The following EPHB2 variants were observed in gnomAD, a reference collection of about 807,000 sequenced individuals.
The protein encoded by EPHB2 is ephrin type-B receptor 2.
A neutral mutation model predicts 96.4 loss-of-function variants in EPHB2; 18 were observed. The observed-to-expected ratio is 0.19, with a 90% CI of 0.13 to 0.28. The LOEUF is 0.28. EPHB2 is among the 10% of genes least tolerant of loss of function. The pLI is 1.00. For synonymous variants in EPHB2, 506 were observed against 534.1 expected, an observed-to-expected ratio of 0.95 and a Z score of 0.72; for missense variants, 989 against 1,355.4, an observed-to-expected ratio of 0.73 and a Z score of 4.25.
chr1:22,775,558 C>T (rs1314341095), intron 1 of EPHB2, among the ~76,000 whole-genome samples: 1 of 152,278 alleles, frequency 6.6e-6, no homozygotes, highest in Non-Finnish European at 1.5e-5. Flanking sequence ...CCCCTGCAGC[C>T]ACCTCCTTTC....
chr1:22,868,373 G>A (rs1408606201), intron 5 of EPHB2, among the ~76,000 whole-genome samples: 3 of 152,070 alleles, frequency 2.0e-5, no homozygotes, highest in East Asian at 1.9e-4. Flanking sequence ...GCAAATGAAC[G>A]GCATTCATTT....
At chr1:22,909,721 A>C (rs565298409) in intron 13 of EPHB2, among the ~76,000 whole-genome samples, 2 of 152,332 alleles carry the variant, frequency 1.3e-5, no homozygotes, top group East Asian at 3.9e-4. Flanking sequence ...GGTTGAAGCC[A>C]AACCAAGGGA....
Position 22,910,523 on chromosome 1 carries a change from A to G in EPHB2, c.2644A>G (p.Lys882Glu). 6.2e-7 allele frequency: 1 copy of G among 1,613,166 alleles called. No homozygotes were observed. Among genetic ancestry groups the G allele is most frequent in the Non-Finnish European group, 8.5e-7 (1 of 1,180,024 alleles). The change falls in exon 14 of 16, where the codon AAG (lysine) becomes GAG (glutamate). Residue 882 changes from lysine to glutamate, a missense_variant. Physicochemically the swap from Lys to Glu is moderately conservative, Grantham distance 56. Transcript: ENST00000374630. ...KFGQIVNTLD[K>E]MIRNPNSLKA... ...CGGCCAAATTGTCAACACGCTAGAC[A>G]AGATGATCCGCAATCCCAACAGCCT...
intron 3 of EPHB2, among the ~76,000 whole-genome samples, chr1:22,839,628 T>C (rs1645436903): frequency 6.6e-6 from 1 of 152,070 alleles, no homozygotes; most frequent in Admixed American, 6.5e-5. Flanking sequence ...GGAAAGGACA[T>C]TGAAATCAGC....
At chr1:22,808,847 A>G (rs895628029) in intron 3 of EPHB2, among the ~76,000 whole-genome samples, 1 of 152,234 alleles carries the variant, frequency 6.6e-6, no homozygotes, top group Non-Finnish European at 1.5e-5. Context: ...TTCAAACCCA[A>G]GGAACCTCAC....
intron 1 of EPHB2, among the ~76,000 whole-genome samples, chr1:22,760,573 T>C (rs1644221760): frequency 6.6e-6 from 1 of 152,200 alleles, no homozygotes; most frequent in Non-Finnish European, 1.5e-5. Context: ...GCTGAGCTCC[T>C]CAGAGTCTGC....
intron 3 of EPHB2, among the ~76,000 whole-genome samples, chr1:22,830,999 G>A (rs547944906): frequency 2.0e-5 from 3 of 152,354 alleles, no homozygotes; most frequent in South Asian, 4.1e-4. Context: ...TGGGTGTCAG[G>A]AAGAGGAAGC....
rs1640324000 is a variant in EPHB2 at position 22,918,534 on chromosome 1, G to A, written c.*4964G>A. On this transcript the variant is annotated 3_prime_UTR_variant, in exon 16 of 16. Coordinates refer to ENST00000374630, the MANE Select transcript of EPHB2 (RefSeq NM_017449.5). The surrounding 1 kb of genome is among the most constrained non-coding windows in gnomAD (Gnocchi z 4.2). ...GGGGTCCTGTCTTTTCCAATAATGTGTTATCCTGGGGAAACCCAGAGGGAA... is the reference window on the plus strand; with the variant it reads ...GGGGTCCTGTCTTTTCCAATAATGTATTATCCTGGGGAAACCCAGAGGGAA... 6.6e-6 allele frequency: 1 copy of A among 152,294 alleles called. No individual in the cohort carries two copies. The highest frequency in any genetic ancestry group is 6.5e-5 in the Admixed American group (1 of 15,286). 9.4% of individuals were successfully genotyped at this position (152,294 alleles called of 1,614,324 possible).
At chr1:22,837,788 ATTCCTTGGAAGGGCTGGCTCTTGT>A (rs1645405877) in intron 3 of EPHB2, among the ~76,000 whole-genome samples, 2 of 152,048 alleles carry the variant, frequency 1.3e-5, no homozygotes, top group African/African-American at 4.8e-5. Flanking sequence ...GCCCACCCCC[ATTCCTTGGAAGGGCTGGCTCTTGT>A]TTACCCAGCT....
In EPHB2 at chr1:22,917,106, A is replaced by C. The variant is rs759041903; in HGVS notation, c.*3536A>C. On this transcript the variant is annotated 3_prime_UTR_variant, in exon 16 of 16. Transcript: ENST00000374630. Reference sequence around the variant, plus strand: ...GGGCTATGGCTGTTTACTAACCAGCAGTGCCTCTTACTCAGATGGCATCAG... The same window carrying C: ...GGGCTATGGCTGTTTACTAACCAGCCGTGCCTCTTACTCAGATGGCATCAG... 1 of 152,294 alleles carries C rather than the reference A, an allele frequency of 6.6e-6. No homozygotes were observed. Among genetic ancestry groups the C allele is most frequent in the East Asian group, 1.9e-4 (1 of 5,196 alleles). 9.4% of individuals were successfully genotyped at this position (152,294 alleles called of 1,614,324 possible).
chr1:22,775,502 G>A (rs918049600), intron 1 of EPHB2, among the ~76,000 whole-genome samples: 1 of 152,220 alleles, frequency 6.6e-6, no homozygotes, highest in Non-Finnish European at 1.5e-5. Context: ...GGGGTGGATC[G>A]GAGAATAGGG....
At chr1:22,792,436 C>A (rs1025489552) in intron 3 of EPHB2, among the ~76,000 whole-genome samples, 1 of 152,104 alleles carries the variant, frequency 6.6e-6, no homozygotes, top group Non-Finnish European at 1.5e-5. Flanking sequence ...GGGCTGAGAC[C>A]ACACAGGCCA....
chr1:22,908,477 G>A (rs780475700), intron 12 of EPHB2, among the ~76,000 whole-genome samples: 1 of 152,242 alleles, frequency 6.6e-6, no homozygotes, highest in Non-Finnish European at 1.5e-5. Context: ...ACGTTTGTCA[G>A]ATGCCATGTT....
intron 3 of EPHB2, among the ~76,000 whole-genome samples, chr1:22,843,968 C>T (rs529883247): frequency 5.3e-5 from 8 of 152,362 alleles, no homozygotes; most frequent in South Asian, 4.1e-4. Context: ...GCTCCATCCA[C>T]GCTGTTGCAA....
chr1:22,838,042 C>T (rs1645409913), intron 3 of EPHB2, among the ~76,000 whole-genome samples: 1 of 152,246 alleles, frequency 6.6e-6, no homozygotes, highest in African/African-American at 2.4e-5. Context: ...GCAGAGGTGG[C>T]CACGAGGAAA....
chr1:22,862,927 T>C (rs1018573765), intron 3 of EPHB2, 110 bp from the exon 4 acceptor site: 32 of 1,397,760 alleles, frequency 2.3e-5, no homozygotes, highest in Non-Finnish European at 3.0e-5. Flanking sequence ...GCAGTGGTGC[T>C]GCATGGCCCC....
intron 3 of EPHB2, among the ~76,000 whole-genome samples, chr1:22,795,466 G>A (rs1195884603): frequency 6.2e-4 from 6 of 9,626 alleles, no homozygotes; most frequent in Non-Finnish European, 1.1e-3. Flanking sequence ...ACTGGTTTCC[G>A]TTTTGTTTTG....
At chr1:22,834,409 A>T (rs894868218) in intron 3 of EPHB2, among the ~76,000 whole-genome samples, 1 of 152,182 alleles carries the variant, frequency 6.6e-6, no homozygotes, top group Admixed American at 6.5e-5. Context: ...ATGACTTCGG[A>T]CGATTAAAAT....
At position 22,849,038 on chromosome 1, in the gene EPHB2, C is replaced by T. The variant is rs149572303; in HGVS notation, c.812-13999C>T. Among the ~76,000 whole-genome samples the T allele has an allele frequency of 1.1e-3, 163 of 152,264 alleles. 1 individual carries two copies. The highest frequency in any genetic ancestry group is 3.7e-3 in the African/African-American group (153 of 41,546). ...TTAGAACAAAGGTGCCCAAGCAGGA[C>T]GTCCCTCCCAGAGCTTAGTACTTCT... On this transcript the variant is annotated intron_variant, in intron 3 of 15. Transcript: ENST00000374630.
Sources: allele counts gnomAD v4.1 joint callset (sites outside exome capture counted in the v4.1 genomes callset), GRCh38; gene constraint gnomAD v4.1.1; non-coding constraint Gnocchi (gnomAD v3.1); transcripts MANE v1.5; gene names NCBI Gene and HGNC (gene_info 2026-07-23, HGNC 2026-07-21).